RBM47: variants seen among roughly 807,000 people sequenced by gnomAD.
The protein encoded by RBM47 is RNA-binding protein 47.
Under a neutral mutation model 47.1 loss-of-function variants are expected in RBM47, and 21 were observed. That is an observed-to-expected ratio of 0.45 (90% CI 0.32 to 0.64). The LOEUF is 0.64. RBM47 is among the 30% of genes least tolerant of loss of function. RBM47 has a pLI of 0.05. For missense variants in RBM47, 708 were observed against 870.9 expected, an observed-to-expected ratio of 0.81 and a Z score of 2.35; for synonymous variants, 375 against 361.7, an observed-to-expected ratio of 1.04 and a Z score of -0.42.
At chr4:40,596,118 C>A (rs1734731822) in intron 1 of RBM47, among the ~76,000 whole-genome samples, 1 of 152,196 alleles carries the variant, frequency 6.6e-6, no homozygotes, top group Non-Finnish European at 1.5e-5. Context: ...AAGATGAGAA[C>A]TTTCAGGAGC....
intron 2 of RBM47, among the ~76,000 whole-genome samples, chr4:40,512,150 G>A (rs1235368637): frequency 6.6e-6 from 1 of 152,106 alleles, no homozygotes; most frequent in Non-Finnish European, 1.5e-5. Flanking sequence ...GCCAGGCGCG[G>A]TGGCTCACAC....
At chr4:40,527,742 T>TTG (rs140846090) in intron 2 of RBM47, among the ~76,000 whole-genome samples, 24,550 of 134,290 alleles carry the variant, frequency 0.18, 2,418 homozygotes, top group African/African-American at 0.24. Flanking sequence ...CTAGTTTTCA[T>TTG]TGTGTGTGTG....
chr4:40,489,099 T>G (rs1721515316), intron 2 of RBM47, among the ~76,000 whole-genome samples: 1 of 152,166 alleles, frequency 6.6e-6, no homozygotes, highest in South Asian at 2.1e-4. Flanking sequence ...TATGCCCCCC[T>G]CATGTATTCA....
At chr4:40,591,532 T>A (rs1734132166) in intron 1 of RBM47, among the ~76,000 whole-genome samples, 1 of 151,746 alleles carries the variant, frequency 6.6e-6, no homozygotes, top group Non-Finnish European at 1.5e-5. Context: ...CCATCTCAAC[T>A]AAAAATACAA....
At chr4:40,612,829 G>C (rs1181989957) in intron 1 of RBM47, among the ~76,000 whole-genome samples, 1 of 152,178 alleles carries the variant, frequency 6.6e-6, no homozygotes, top group Non-Finnish European at 1.5e-5. Context: ...TCAATTTGCA[G>C]AGGGATCTTC....
chr4:40,615,562 C>A (rs528522564), intron 1 of RBM47, among the ~76,000 whole-genome samples: 8 of 152,306 alleles, frequency 5.3e-5, no homozygotes, highest in Admixed American at 2.6e-4. Flanking sequence ...AGGTGGATCA[C>A]CTGAGGTCAG....
chr4:40,538,094 T>G (rs1386308983), intron 2 of RBM47, among the ~76,000 whole-genome samples: 3 of 152,076 alleles, frequency 2.0e-5, no homozygotes, highest in African/African-American at 7.2e-5. Flanking sequence ...GACTTCAGGG[T>G]TACTTTTGCA....
intron 1 of RBM47, among the ~76,000 whole-genome samples, chr4:40,592,981 T>TATATA (rs1734383093): frequency 1.4e-4 from 2 of 14,182 alleles, no homozygotes; most frequent in Non-Finnish European, 1.2e-4. Flanking sequence ...ATATATATAT[T>TATATA]TTTTTTTTTT....
At position 40,425,876 on chromosome 4, in the gene RBM47, T is replaced by G; in HGVS notation, c.*28A>C. On this transcript the variant is annotated 3_prime_UTR_variant, in exon 7 of 7. Coordinates refer to ENST00000295971, the MANE Select transcript of RBM47 (RefSeq NM_001098634.2). ...AAGCGTTCCTTCAGTGGTGTTTGTG[T>G]GGTCTGTCTTCGTGCTGGTCACCAG... The G allele has an allele frequency of 6.2e-7, 1 of 1,606,066 alleles. No individual in the cohort carries two copies. The highest frequency in any genetic ancestry group is 8.5e-7 in the Non-Finnish European group (1 of 1,173,620).
At chr4:40,530,679 A>G (rs1327441095) in intron 2 of RBM47, among the ~76,000 whole-genome samples, 2 of 152,232 alleles carry the variant, frequency 1.3e-5, no homozygotes, top group African/African-American at 2.4e-5. Context: ...CAGGTCTAAA[A>G]TAATTATTAT....
intron 2 of RBM47, among the ~76,000 whole-genome samples, chr4:40,521,976 C>T (rs770028373): frequency 3.9e-4 from 60 of 152,244 alleles, no homozygotes; most frequent in Admixed American, 3.9e-3. Flanking sequence ...ATGAGATCAG[C>T]TATGACATTA....
intron 1 of RBM47, among the ~76,000 whole-genome samples, chr4:40,564,721 T>A (rs73809065): frequency 0.012 from 1,871 of 152,364 alleles, 39 homozygotes; most frequent in African/African-American, 0.043. Flanking sequence ...AAGAAAAGTT[T>A]ATTTATGAGT....
chr4:40,601,437 C>T (rs1372264529), intron 1 of RBM47, among the ~76,000 whole-genome samples: 3 of 152,166 alleles, frequency 2.0e-5, no homozygotes, highest in African/African-American at 7.2e-5. Flanking sequence ...CATGCTGGAT[C>T]ATTCCATGAC....
At chr4:40,551,545 G>A (rs930945399) in intron 1 of RBM47, among the ~76,000 whole-genome samples, 2 of 151,540 alleles carry the variant, frequency 1.3e-5, no homozygotes, top group Non-Finnish European at 2.9e-5. Context: ...GCAGAATCCA[G>A]ATCTCTAATA....
intron 2 of RBM47, among the ~76,000 whole-genome samples, chr4:40,483,706 A>AAATAC (rs374812140): frequency 0.037 from 5,704 of 152,150 alleles, 207 homozygotes; most frequent in African/African-American, 0.099. Flanking sequence ...AAAAGAACAA[A>AAATAC]AATACAATAC....
At chr4:40,490,578 T>C (rs1396709444) in intron 2 of RBM47, among the ~76,000 whole-genome samples, 1 of 152,034 alleles carries the variant, frequency 6.6e-6, no homozygotes, top group East Asian at 1.9e-4. Flanking sequence ...CTACAAAACA[T>C]TGTTCAAAGA....
intron 2 of RBM47, among the ~76,000 whole-genome samples, chr4:40,504,297 T>C (rs1032478960): frequency 5.3e-5 from 8 of 150,516 alleles, no homozygotes; most frequent in Middle Eastern, 3.4e-3. Context: ...CTTCTTTTTT[T>C]TTTTTTTTTT....
At chr4:40,556,538 C>T (rs1730107195) in intron 1 of RBM47, among the ~76,000 whole-genome samples, 1 of 151,928 alleles carries the variant, frequency 6.6e-6, no homozygotes, top group South Asian at 2.1e-4. Flanking sequence ...TTTGCTATTA[C>T]TTTTAATGGC....
intron 2 of RBM47, among the ~76,000 whole-genome samples, chr4:40,519,789 CCT>C (rs1399585221): frequency 6.6e-6 from 1 of 150,958 alleles, no homozygotes; most frequent in Admixed American, 6.7e-5. Flanking sequence ...CCTGCCTAAG[CCT>C]CCCGAGTAGA....
Sources: gnomAD v4.1 joint callset for allele counts (sites outside exome capture counted in the v4.1 genomes callset) on GRCh38, gnomAD v4.1.1 for gene constraint, MANE v1.5 for transcripts, NCBI Gene and HGNC (gene_info 2026-07-23, HGNC 2026-07-21) for gene names.